Variants in SOX5 observed in about 807,000 individuals in gnomAD.
SOX5 encodes SRY-box transcription factor 5, also known as transcription factor SOX-5.
A neutral mutation model predicts 92.0 loss-of-function variants in SOX5; 9 were observed. That is an observed-to-expected ratio of 0.10 (90% confidence interval 0.06 to 0.17). The LOEUF (loss-of-function observed/expected upper bound fraction) is 0.17, where lower values mean the gene tolerates loss of function less well. Among genes scored for constraint, SOX5 ranks in the 10% least tolerant of loss-of-function variants. SOX5 has a pLI of 1.00. For synonymous variants in SOX5, 344 were observed against 336.3 expected, an observed-to-expected ratio of 1.02 and a Z score of -0.25; for missense variants, 642 against 944.5, an observed-to-expected ratio of 0.68 and a Z score of 4.20.
intron 4 of SOX5, among the ~76,000 whole-genome samples, chr12:24,153,936 C>T (rs1362618822): frequency 6.6e-6 from 1 of 152,094 alleles, no homozygotes; most frequent in Non-Finnish European, 1.5e-5. Flanking sequence ...CTTCCTCTCC[C>T]CAATCCCTGA....
chr12:23,692,795 T>C (rs1252968176), intron 6 of SOX5, among the ~76,000 whole-genome samples: 4 of 152,204 alleles, frequency 2.6e-5, no homozygotes. Flanking sequence ...TCGCTGTGGT[T>C]ATGTCACTAT....
chr12:23,638,805 C>T (rs1417151848), intron 8 of SOX5, among the ~76,000 whole-genome samples: 2 of 151,770 alleles, frequency 1.3e-5, no homozygotes, highest in African/African-American at 2.4e-5. Flanking sequence ...GAGAGTCAGT[C>T]CACTTCAAAG....
chr12:24,212,061 A>C (rs978514674), intron 4 of SOX5, among the ~76,000 whole-genome samples: 1 of 152,256 alleles, frequency 6.6e-6, no homozygotes, highest in Non-Finnish European at 1.5e-5. Context: ...ACTCTGCAAG[A>C]ATCAGTGCAG....
intron 2 of SOX5, among the ~76,000 whole-genome samples, chr12:24,364,998 G>C (rs1956021018): frequency 6.6e-6 from 1 of 151,982 alleles, no homozygotes; most frequent in African/African-American, 2.4e-5. Flanking sequence ...CTGTATTTCA[G>C]TGGCATTAAT....
chr12:23,729,183 AT>A (rs1250023482), intron 6 of SOX5, among the ~76,000 whole-genome samples: 1 of 152,124 alleles, frequency 6.6e-6, no homozygotes, highest in East Asian at 1.9e-4. Context: ...TCACAGTCCC[AT>A]TTAATCTTCA....
At chr12:23,627,804 T>C (rs2078024101) in intron 8 of SOX5, among the ~76,000 whole-genome samples, 1 of 151,906 alleles carries the variant, frequency 6.6e-6, no homozygotes, top group Non-Finnish European at 1.5e-5. Flanking sequence ...TTTGTAAATG[T>C]TTAAATAAAA....
intron 6 of SOX5, among the ~76,000 whole-genome samples, chr12:23,721,689 A>G (rs950837509): frequency 6.6e-6 from 1 of 152,184 alleles, no homozygotes; most frequent in Non-Finnish European, 1.5e-5. Context: ...CAATATAAAC[A>G]TTAGTAGTCA....
intron 6 of SOX5, among the ~76,000 whole-genome samples, chr12:23,677,922 T>C (rs1056333104): frequency 5.3e-5 from 8 of 152,172 alleles, no homozygotes; most frequent in African/African-American, 1.9e-4. Context: ...AATGACTAGT[T>C]CCATTCCTTA....
intron 1 of SOX5, among the ~76,000 whole-genome samples, chr12:24,525,103 C>T (rs892353631): frequency 1.3e-5 from 2 of 152,186 alleles, no homozygotes; most frequent in Admixed American, 6.5e-5. Context: ...CTCACATGTT[C>T]GCTGTGGTAC....
chr12:23,774,131 T>G (rs1303662077), intron 3 of SOX5, among the ~76,000 whole-genome samples: 1 of 152,192 alleles, frequency 6.6e-6, no homozygotes, highest in African/African-American at 2.4e-5. Context: ...TAATAGGGGA[T>G]AGCTGCTATC....
intron 1 of SOX5, among the ~76,000 whole-genome samples, chr12:24,439,456 T>A (rs1485917515): frequency 6.6e-6 from 1 of 152,210 alleles, no homozygotes; most frequent in African/African-American, 2.4e-5. Flanking sequence ...ATCCTGAGCA[T>A]GCTCTTCCTT....
chr12:24,300,701 T>G (rs966161667), intron 2 of SOX5, among the ~76,000 whole-genome samples: 1 of 152,180 alleles, frequency 6.6e-6, no homozygotes, highest in Non-Finnish European at 1.5e-5. Flanking sequence ...CTTTGAGTCT[T>G]AAAAACAGTA....
intron 3 of SOX5, among the ~76,000 whole-genome samples, chr12:23,829,876 C>A (rs1365124737): frequency 6.6e-6 from 1 of 152,008 alleles, no homozygotes. Context: ...AGCAAAAGTA[C>A]AAGCTCTAGT....
intron 8 of SOX5, among the ~76,000 whole-genome samples, chr12:23,618,652 T>A (rs559546581): frequency 6.6e-6 from 1 of 152,230 alleles, no homozygotes; most frequent in South Asian, 2.1e-4. Context: ...ATTTCAGGGA[T>A]CACCATAACA....
In SOX5 at chr12:24,551,478, A is replaced by G. The variant is rs79952662; in HGVS notation, c.-251+10851T>C. 4.3e-4 allele frequency among the ~76,000 whole-genome samples: 66 copies of G among 152,376 alleles called. 1 individual carries two copies. The East Asian group carries it at 0.013, about 29-fold the overall frequency. On this transcript the variant is annotated intron_variant, in intron 1 of 4. Transcript: ENST00000446891. ...GTAAAGATTTAGCTTCTCTCTTTAC[A>G]AGATATTTTTGTATAACGTAAATGC...
At chr12:24,072,544 A>G (rs1436373352) in intron 4 of SOX5, among the ~76,000 whole-genome samples, 1 of 152,188 alleles carries the variant, frequency 6.6e-6, no homozygotes, top group Non-Finnish European at 1.5e-5. Flanking sequence ...CTAGTTTTAG[A>G]CAGGAGGAAG....
At chr12:24,017,601 A>AAAAAT (rs1475604432) in intron 4 of SOX5, among the ~76,000 whole-genome samples, 3 of 152,116 alleles carry the variant, frequency 2.0e-5, no homozygotes, top group East Asian at 1.9e-4. Flanking sequence ...CTCTATCTCA[A>AAAAAT]AAAATAAAAT....
chr12:23,661,486 A>C (rs1436104121), intron 7 of SOX5, among the ~76,000 whole-genome samples: 1 of 152,220 alleles, frequency 6.6e-6, no homozygotes, highest in Non-Finnish European at 1.5e-5. Context: ...GCTCTCAAGT[A>C]TAAAATTTTA....
intron 1 of SOX5, among the ~76,000 whole-genome samples, chr12:24,415,540 G>A (rs1279538209): frequency 6.6e-6 from 1 of 152,130 alleles, no homozygotes; most frequent in Non-Finnish European, 1.5e-5. Flanking sequence ...AAGAATGAAT[G>A]GATAAAGATA....
Sources: allele counts gnomAD v4.1 joint callset (sites outside exome capture counted in the v4.1 genomes callset), GRCh38; gene constraint gnomAD v4.1.1; transcripts MANE v1.5; gene names NCBI Gene and HGNC (gene_info 2026-07-23, HGNC 2026-07-21).